The following CLSTN2 variants were observed in gnomAD, a reference collection of about 807,000 sequenced individuals.
The protein encoded by CLSTN2 is calsyntenin 2, also known as calsyntenin-2.
In CLSTN2, 48 loss-of-function variants were observed where a neutral mutation model predicts 101.2. That is an observed-to-expected ratio of 0.47 (90% CI 0.38 to 0.60). CLSTN2 has a LOEUF of 0.60. Among genes scored for constraint, CLSTN2 ranks in the 20% least tolerant of loss-of-function variants. The pLI is 0.00. For missense variants in CLSTN2, 1,160 were observed against 1,238.2 expected, an observed-to-expected ratio of 0.94 and a Z score of 0.95; for synonymous variants, 481 against 463.6, an observed-to-expected ratio of 1.04 and a Z score of -0.48.
intron 1 of CLSTN2, among the ~76,000 whole-genome samples, chr3:140,059,384 T>C (rs1259384214): frequency 6.6e-6 from 1 of 152,122 alleles, no homozygotes. Context: ...ACTCCATAAA[T>C]GTGTGTTCAA....
intron 2 of CLSTN2, among the ~76,000 whole-genome samples, chr3:140,219,088 T>G (rs1199470259): frequency 6.6e-6 from 1 of 152,020 alleles, no homozygotes; most frequent in Non-Finnish European, 1.5e-5. Context: ...TTTGGGAGCA[T>G]TCCTGCAGTT....
chr3:140,532,272 ATGT>A, intron 8 of CLSTN2, 49 bp from the exon 9 acceptor site: 1 of 1,466,194 alleles, frequency 6.8e-7, no homozygotes, highest in Non-Finnish European at 9.3e-7. Flanking sequence ...AGCCTGTTTG[ATGT>A]TTTATTACAT....
At chr3:140,352,952 G>GA (rs906094903) in intron 2 of CLSTN2, among the ~76,000 whole-genome samples, 2 of 151,904 alleles carry the variant, frequency 1.3e-5, no homozygotes, top group South Asian at 2.1e-4. Flanking sequence ...TAAATATTTG[G>GA]AAAAAAATTA....
At chr3:140,469,469 G>A (rs1340836386) in intron 8 of CLSTN2, among the ~76,000 whole-genome samples, 1 of 152,078 alleles carries the variant, frequency 6.6e-6, no homozygotes, top group Non-Finnish European at 1.5e-5. Context: ...CTTGCCAGAA[G>A]TTTCTTGGGT....
intron 2 of CLSTN2, among the ~76,000 whole-genome samples, chr3:140,357,181 G>A (rs563522712): frequency 6.6e-6 from 1 of 152,198 alleles, no homozygotes; most frequent in Admixed American, 6.5e-5. Flanking sequence ...TGAAGGGTCG[G>A]GAATATAGTA....
In CLSTN2 at chr3:140,359,141, G is replaced by GA. The variant is rs74431387; in HGVS notation, c.233-44474dup. Among the ~76,000 whole-genome samples the GA allele has an allele frequency of 8.4e-3, 1,089 of 130,020 alleles. 8 individuals carry two copies. Among genetic ancestry groups the GA allele is most frequent in the East Asian group, 0.05 (213 of 4,276 alleles). 85.3% of individuals were successfully genotyped at this position (130,020 alleles called of 152,430 possible). A position where few individuals can be genotyped will look rare whatever the true frequency, so the allele number is the denominator to read the frequency against. ...GGCAGTTTCTTTGCTGGCATTTGTA[G>GA]AAAAAAAAAAAAAAGGCTTTGGTTC... On this transcript the variant is annotated intron_variant, in intron 2 of 16. Coordinates refer to ENST00000458420, the MANE Select transcript of CLSTN2 (RefSeq NM_022131.3).
chr3:140,104,352 C>T (rs1700109094), intron 1 of CLSTN2, among the ~76,000 whole-genome samples: 1 of 152,182 alleles, frequency 6.6e-6, no homozygotes, highest in African/African-American at 2.4e-5. Flanking sequence ...AAAGAGCTGG[C>T]AGAGGTAGAA....
chr3:140,404,456 T>C (rs1287035678), intron 3 of CLSTN2, 102 bp from the exon 4 acceptor site: 44 of 1,003,198 alleles, frequency 4.4e-5, no homozygotes, highest in Non-Finnish European at 7.7e-6. Flanking sequence ...GGTTTCTCCT[T>C]TCACTTGGCC....
At chr3:140,391,600 G>A (rs747959432) in intron 2 of CLSTN2, among the ~76,000 whole-genome samples, 27 of 151,822 alleles carry the variant, frequency 1.8e-4, no homozygotes, top group Non-Finnish European at 2.9e-4. Context: ...TTTGATATGC[G>A]ATATATAATT....
chr3:140,146,383 G>T (rs1560108827), intron 1 of CLSTN2, among the ~76,000 whole-genome samples: 1 of 152,230 alleles, frequency 6.6e-6, no homozygotes. Flanking sequence ...GCAAAGCATT[G>T]TTGGTTGGTT....
chr3:140,493,087 C>A (rs959761449), intron 8 of CLSTN2, among the ~76,000 whole-genome samples: 2 of 152,104 alleles, frequency 1.3e-5, no homozygotes, highest in Non-Finnish European at 2.9e-5. Context: ...CAACCAAGAC[C>A]TTTGGTTTAA....
At chr3:140,485,851 G>T (rs141958625) in intron 8 of CLSTN2, among the ~76,000 whole-genome samples, 1 of 152,030 alleles carries the variant, frequency 6.6e-6, no homozygotes, top group Non-Finnish European at 1.5e-5. Flanking sequence ...TCCAGGTGCC[G>T]TCTGTCACCC....
intron 1 of CLSTN2, among the ~76,000 whole-genome samples, chr3:139,988,088 T>TA (rs1936057545): frequency 6.6e-6 from 1 of 152,196 alleles, no homozygotes; most frequent in South Asian, 2.1e-4. Flanking sequence ...AAAAGCATCT[T>TA]AATGGGAATG....
At chr3:140,564,400 T>C (rs1411835858) in intron 16 of CLSTN2, among the ~76,000 whole-genome samples, 1 of 152,194 alleles carries the variant, frequency 6.6e-6, no homozygotes, top group Non-Finnish European at 1.5e-5. Flanking sequence ...GAACCAGAAA[T>C]TTTGTTAAAG....
intron 2 of CLSTN2, 118 bp from the exon 3 acceptor site, chr3:140,403,509 CTA>C (rs1293732970): frequency 3.6e-6 from 3 of 840,580 alleles, no homozygotes; most frequent in Non-Finnish European, 5.8e-6. Flanking sequence ...GTGGACCACA[CTA>C]TGTGCGTGGA....
At chr3:140,074,269 G>A (rs1351743190) in intron 1 of CLSTN2, among the ~76,000 whole-genome samples, 1 of 152,110 alleles carries the variant, frequency 6.6e-6, no homozygotes, top group Non-Finnish European at 1.5e-5. Flanking sequence ...GAGTATCTGA[G>A]AGATAATTCC....
intron 10 of CLSTN2, among the ~76,000 whole-genome samples, chr3:140,551,926 C>T (rs1387864532): frequency 6.6e-6 from 1 of 151,672 alleles, no homozygotes; most frequent in Admixed American, 6.6e-5. Context: ...GACAGAAGAA[C>T]TTCTAAAGTG....
chr3:140,446,529 T>G (rs6771366), intron 5 of CLSTN2, among the ~76,000 whole-genome samples: 28,819 of 152,098 alleles, frequency 0.19, 3,225 homozygotes, highest in Admixed American at 0.28. Context: ...GATTGTCTCC[T>G]TCCTTGACAG....
intron 4 of CLSTN2, among the ~76,000 whole-genome samples, chr3:140,411,750 C>T (rs1274720161): frequency 1.3e-5 from 2 of 152,206 alleles, no homozygotes; most frequent in African/African-American, 4.8e-5. Context: ...GACAAAAGAA[C>T]ATCAGCAGGG....
Sources: gnomAD v4.1 joint callset for allele counts (sites outside exome capture counted in the v4.1 genomes callset) on GRCh38, gnomAD v4.1.1 for gene constraint, MANE v1.5 for transcripts, NCBI Gene and HGNC (gene_info 2026-07-23, HGNC 2026-07-21) for gene names.